TRDN: variants seen among roughly 807,000 people sequenced by gnomAD.
TRDN encodes the protein triadin.
A neutral mutation model predicts 149.7 loss-of-function variants in TRDN; 161 were observed. That is an observed-to-expected ratio of 1.08 (90% confidence interval 0.95 to 1.23). The LOEUF (loss-of-function observed/expected upper bound fraction) is 1.23, where lower values mean the gene tolerates loss of function less well. Among genes scored for constraint, TRDN ranks in the 50% most tolerant of loss-of-function variants. The pLI is 0.00. For missense variants in TRDN, 896 were observed against 823.5 expected, an observed-to-expected ratio of 1.09 and a Z score of -1.08; for synonymous variants, 294 against 250.5, an observed-to-expected ratio of 1.17 and a Z score of -1.64.
At chr6:123,636,634 C>A in intron 1 of TRDN, 120 bp downstream of exon 1, 1 of 1,168,540 alleles carries the variant, frequency 8.6e-7, no homozygotes, top group African/African-American at 1.5e-5. Flanking sequence ...TGTATAGAAT[C>A]ATTGACCAAG....
In TRDN at chr6:123,229,707, G is replaced by A. The variant is rs565074743; in HGVS notation, c.1976-5576C>T. 5.9e-5 allele frequency among the ~76,000 whole-genome samples: 9 copies of A among 151,978 alleles called. No homozygotes were observed. In the South Asian group the frequency reaches 1.9e-3, roughly 32 times the overall value. ...AAAGACTTGATCTGTTGGTATTTAG[G>A]AGACTGCGTGTGTATGGACTCTAAT... On this transcript the variant is annotated intron_variant, in intron 38 of 40. Transcript: ENST00000334268.
intron 14 of TRDN, among the ~76,000 whole-genome samples, chr6:123,382,817 A>G (rs1781770953): frequency 6.6e-6 from 1 of 151,984 alleles, no homozygotes; most frequent in Non-Finnish European, 1.5e-5. Flanking sequence ...ATTTTCTATT[A>G]TTTAGGCCAT....
At chr6:123,221,559 C>T (rs920256011) in intron 39 of TRDN, 37 bp from the exon 40 acceptor site, 2 of 1,380,486 alleles carry the variant, frequency 1.4e-6, no homozygotes, top group African/African-American at 1.5e-5. Flanking sequence ...ATAACTTGTA[C>T]ATTTACAACT....
rs1181050406 is a variant in TRDN at position 123,265,353 on chromosome 6, AG to A, written c.1784-16del. On this transcript the variant is annotated splice_polypyrimidine_tract_variant and intron_variant, in intron 32 of 40. Coordinates refer to ENST00000334268, the MANE Select transcript of TRDN (RefSeq NM_006073.4). ...TTTTGGTTTGTCTAAAAAGGAAAAA[AG>A]AAAAAAAAAGAAAATGAGTGATAAT... 1.4e-6 allele frequency: 2 copies of A among 1,395,508 alleles called. No individual in the cohort carries two copies. Among genetic ancestry groups the A allele is most frequent in the Admixed American group, 5.4e-5 (2 of 36,950 alleles). 86.4% of individuals were successfully genotyped at this position (1,395,508 alleles called of 1,614,324 possible).
At chr6:123,477,851 T>C (rs1341254220) in intron 9 of TRDN, among the ~76,000 whole-genome samples, 14 of 144,508 alleles carry the variant, frequency 9.7e-5, no homozygotes, top group African/African-American at 3.7e-4. Flanking sequence ...TAGGTGGGAA[T>C]TGAACGATGA....
At chr6:123,557,420 C>T (rs931867581) in intron 2 of TRDN, among the ~76,000 whole-genome samples, 3 of 152,128 alleles carry the variant, frequency 2.0e-5, no homozygotes, top group African/African-American at 7.2e-5. Flanking sequence ...GGTAAGCAGC[C>T]TCTTTCTACT....
intron 22 of TRDN, among the ~76,000 whole-genome samples, chr6:123,332,526 C>T (rs2114728320): frequency 6.6e-6 from 1 of 152,128 alleles, no homozygotes; most frequent in Admixed American, 6.6e-5. Context: ...TACCACCTTC[C>T]AAACACATCT....
intron 1 of TRDN, among the ~76,000 whole-genome samples, chr6:123,619,472 T>A (rs115463712): frequency 0.016 from 2,486 of 152,254 alleles, 60 homozygotes; most frequent in African/African-American, 0.057. Flanking sequence ...CACAGCATAG[T>A]TTCAAAAGCA....
chr6:123,350,603 T>G (rs1721584408), intron 21 of TRDN: 1 of 715,930 alleles, frequency 1.4e-6, no homozygotes, highest in Non-Finnish European at 1.7e-6. Flanking sequence ...TTATTACTTC[T>G]CATATTACTT....
intron 10 of TRDN, among the ~76,000 whole-genome samples, chr6:123,446,913 AT>A (rs5879681): frequency 0.31 from 47,391 of 150,554 alleles, 8,196 homozygotes; most frequent in African/African-American, 0.46. Flanking sequence ...TTCTTCTTCT[AT>A]TTTTTTTTTC....
chr6:123,547,973 C>T (rs1215777727), intron 3 of TRDN, among the ~76,000 whole-genome samples: 1 of 151,910 alleles, frequency 6.6e-6, no homozygotes, highest in Non-Finnish European at 1.5e-5. Context: ...CCATTTGGTC[C>T]AATAAATTTA....
chr6:123,233,658 A>G (rs1775690288), intron 38 of TRDN, among the ~76,000 whole-genome samples: 1 of 152,110 alleles, frequency 6.6e-6, no homozygotes, highest in Admixed American at 6.6e-5. Flanking sequence ...AGGGGTGATC[A>G]GAGTGGTGAG....
intron 33 of TRDN, among the ~76,000 whole-genome samples, chr6:123,261,800 C>A (rs925384658): frequency 2.0e-5 from 3 of 151,732 alleles, no homozygotes; most frequent in African/African-American, 7.3e-5. Context: ...TTTTGACTTC[C>A]AACCCTTAAT....
At chr6:123,227,348 G>A (rs964795414) in intron 38 of TRDN, among the ~76,000 whole-genome samples, 2 of 151,802 alleles carry the variant, frequency 1.3e-5, no homozygotes, top group Non-Finnish European at 2.9e-5. Flanking sequence ...GGAAAATAAC[G>A]ATATGTTATT....
intron 1 of TRDN, among the ~76,000 whole-genome samples, chr6:123,604,396 G>A (rs1784424294): frequency 6.6e-6 from 1 of 152,226 alleles, no homozygotes; most frequent in African/African-American, 2.4e-5. Context: ...AGAGGGAAAA[G>A]GATAAAGAGA....
At chr6:123,275,633 T>A (rs1777344312) in intron 26 of TRDN, among the ~76,000 whole-genome samples, 1 of 152,150 alleles carries the variant, frequency 6.6e-6, no homozygotes, top group Admixed American at 6.6e-5. Flanking sequence ...AACAAATACC[T>A]GTACATGTAA....
intron 19 of TRDN, among the ~76,000 whole-genome samples, chr6:123,369,140 A>T (rs1176963107): frequency 6.6e-6 from 1 of 152,044 alleles, no homozygotes; most frequent in East Asian, 1.9e-4. Context: ...GTTGCCAGGA[A>T]CCCTTGGCAT....
chr6:123,405,233 A>G (rs977408345), intron 12 of TRDN, among the ~76,000 whole-genome samples: 1 of 152,242 alleles, frequency 6.6e-6, no homozygotes, highest in African/African-American at 2.4e-5. Flanking sequence ...AGCAATGTGC[A>G]TAGAAGTGTT....
At chr6:123,585,635 C>T (rs555505606) in intron 1 of TRDN, among the ~76,000 whole-genome samples, 11 of 152,206 alleles carry the variant, frequency 7.2e-5, no homozygotes, top group Admixed American at 2.0e-4. Flanking sequence ...GAGTGGCTGC[C>T]GGGTGAGTTG....
Sources: allele counts gnomAD v4.1 joint callset (sites outside exome capture counted in the v4.1 genomes callset), GRCh38; gene constraint gnomAD v4.1.1; transcripts MANE v1.5; gene names NCBI Gene and HGNC (gene_info 2026-07-23, HGNC 2026-07-21).